SLC12A5: variants seen among roughly 807,000 people sequenced by gnomAD.
The protein encoded by SLC12A5 is solute carrier family 12 member 5, also known as K-Cl cotransporter 2.
SLC12A5 carries 18 observed loss-of-function variants against 124.0 expected under a neutral mutation model. The observed-to-expected ratio is 0.15, with a 90% CI of 0.10 to 0.22. SLC12A5 has a LOEUF of 0.22. Among genes scored for constraint, SLC12A5 ranks in the 10% least tolerant of loss-of-function variants. SLC12A5 has a pLI of 1.00. For missense variants in SLC12A5, 867 were observed against 1,478.7 expected (o/e 0.59, Z 6.78); for synonymous variants, 589 against 568.0 (o/e 1.04, Z -0.53).
At chr20:46,040,846 G>A in intron 7 of SLC12A5, 1 of 609,940 alleles carries the variant, frequency 1.6e-6, no homozygotes, top group East Asian at 3.0e-5. Flanking sequence ...ACTTCTTGCT[G>A]GTAGGGTGGA....
chr20:46,041,568 C>T (rs763630888), intron 8 of SLC12A5, 28 bp downstream of exon 8: 4 of 1,610,844 alleles, frequency 2.5e-6, no homozygotes, highest in East Asian at 2.2e-5. Context: ...GGCTGGCATC[C>T]AGGGAACGCT....
downstream of SLC12A5, among the ~76,000 whole-genome samples, chr20:46,023,881 G>A (rs951957967): frequency 2.0e-5 from 3 of 152,126 alleles, no homozygotes; most frequent in Admixed American, 2.0e-4. Flanking sequence ...CTTAGTAGGT[G>A]TGTAATGCTC....
Position 46,046,348 on chromosome 20 carries a change from A to T in SLC12A5, c.1699A>T (p.Met567Leu). The change falls in exon 14 of 26, where the codon ATG (methionine) becomes TTG (leucine). Residue 567 changes from methionine to leucine, a missense_variant. Coordinates refer to ENST00000243964, the MANE Select transcript of SLC12A5 (RefSeq NM_020708.5). ...CTTCCTGTGTTCCAGGTTCTTCCTGATGTGCTACATGTTTGTGAATCTGGC... is the reference window on the plus strand; with the variant it reads ...CTTCCTGTGTTCCAGGTTCTTCCTGTTGTGCTACATGTTTGTGAATCTGGC... The part of the protein sequence containing the change: ...VAPILSMFFL[M>L]CYMFVNLACA... The T allele has an allele frequency of 6.2e-7, 1 of 1,613,704 alleles. No individual in the cohort carries two copies. Among genetic ancestry groups the T allele is most frequent in the South Asian group, 1.1e-5 (1 of 91,058 alleles).
In SLC12A5 at chr20:46,041,556, AGGGCT is replaced by A; in HGVS notation, c.1066+19_1066+23del. 1 of 1,613,012 alleles carries A rather than the reference AGGGCT, an allele frequency of 6.2e-7. No homozygotes were observed. The highest frequency in any genetic ancestry group is 8.5e-7 in the Non-Finnish European group (1 of 1,179,636). ...CTCATCAAAGGTCTGCGGAGGGACAAGGGCTGGCATCCAGGGAACGCTGCAGGGAT... is the reference window on the plus strand; with the variant it reads ...CTCATCAAAGGTCTGCGGAGGGACAAGGCATCCAGGGAACGCTGCAGGGAT... On this transcript the variant is annotated intron_variant, in intron 8 of 25. Coordinates refer to ENST00000243964, the MANE Select transcript of SLC12A5 (RefSeq NM_020708.5).
chr20:46,035,380 A>G, intron 2 of SLC12A5, 24 bp from the exon 3 acceptor site: 1 of 1,603,850 alleles, frequency 6.2e-7, no homozygotes, highest in Non-Finnish European at 8.5e-7. Context: ...CCAGCCTCCT[A>G]GCACTGACAC....
At position 46,058,725 on chromosome 20, in the gene SLC12A5, C is replaced by A. The variant is rs891613443; in HGVS notation, c.*1120C>A. Reference sequence around the variant, plus strand: ...GGCGCCCCCTCCCCGGAGTTTCCTCCCTGGGACAAGTGAGGGAGGAGGGGG... The same window carrying A: ...GGCGCCCCCTCCCCGGAGTTTCCTCACTGGGACAAGTGAGGGAGGAGGGGG... On this transcript the variant is annotated 3_prime_UTR_variant, in exon 26 of 26. Coordinates refer to ENST00000243964, the MANE Select transcript of SLC12A5 (RefSeq NM_020708.5). The surrounding 1 kb of genome is among the most constrained non-coding windows in gnomAD (Gnocchi z 5.8). 5.0e-6 allele frequency: 2 copies of A among 398,906 alleles called. No homozygotes were observed. Among genetic ancestry groups the A allele is most frequent in the African/African-American group, 4.1e-5 (2 of 48,648 alleles). The allele number at this position is 398,906 out of a possible 1,614,324, so 24.7% of individuals were successfully genotyped here.
intron 18 of SLC12A5, 149 bp from the exon 19 acceptor site, chr20:46,052,808 T>C: frequency 2.6e-6 from 2 of 760,604 alleles, no homozygotes; most frequent in Non-Finnish European, 2.1e-6. Context: ...CCCAAGTAGA[T>C]GCTGGTTTTC....
In SLC12A5 at chr20:46,043,910, T is replaced by C. The variant is rs2084570946; in HGVS notation, c.1371T>C (p.Ile457=). The C allele has an allele frequency of 6.8e-6, 11 of 1,608,846 alleles. No individual in the cohort carries two copies. Among genetic ancestry groups the C allele is most frequent in the Non-Finnish European group, 9.3e-6 (11 of 1,177,484 alleles). ...CCGTTGTTCTGTTTGGGGCCTGCAT[T>C]GAGGGGGTCGTCCTGCGGGACAAGT... is the stretch of plus-strand genomic sequence containing the variant. ...ISSVVLFGAC[I]EGVVLRDKFG... The change falls in exon 11 of 26, where the codon ATT becomes ATC. Residue 457 remains isoleucine, a synonymous_variant. Coordinates refer to ENST00000243964, the MANE Select transcript of SLC12A5 (RefSeq NM_020708.5).
chr20:46,050,258 A>G (rs2084635991), intron 17 of SLC12A5, among the ~76,000 whole-genome samples: 1 of 152,248 alleles, frequency 6.6e-6, no homozygotes, highest in Admixed American at 6.5e-5. Flanking sequence ...AAAGTCGGAA[A>G]GCTGCTTGCT....
upstream of SLC12A5, chr20:46,021,811 G>A (rs1196086840): frequency 2.0e-6 from 3 of 1,534,224 alleles, no homozygotes; most frequent in Admixed American, 2.0e-5. Flanking sequence ...CGCAGGGCCC[G>A]CCAGAAGCCC....
intron 1 of SLC12A5, chr20:46,021,966 G>T: frequency 7.2e-7 from 1 of 1,394,598 alleles, no homozygotes. Context: ...CTGTTGAAGG[G>T]GGCAGGGCCA....
At chr20:46,027,204 C>A (rs532014820), upstream of SLC12A5, among the ~76,000 whole-genome samples, 4 of 152,202 alleles carry the variant, frequency 2.6e-5, no homozygotes, top group South Asian at 8.3e-4. Flanking sequence ...CTCATCTCAC[C>A]CTTTTGGTGG....
chr20:46,043,553 T>C, intron 9 of SLC12A5, 80 bp from the exon 10 acceptor site: 1 of 1,448,604 alleles, frequency 6.9e-7, no homozygotes, highest in Non-Finnish European at 9.6e-7. Flanking sequence ...TCACTGACCC[T>C]GAGGGTGGTG....
chr20:46,036,538 G>A, intron 4 of SLC12A5: 1 of 484,284 alleles, frequency 2.1e-6, no homozygotes, highest in Non-Finnish European at 3.8e-6. Flanking sequence ...GCTTGCTTGG[G>A]CTCCTTCCGT....
Position 46,054,958 on chromosome 20 carries a change from G to A in SLC12A5, c.2722G>A (p.Val908Met), listed in dbSNP as rs775456354. ...ISAYTYEKTLVMEQRSQILKQ... is the reference protein window; with the variant it reads ...ISAYTYEKTLMMEQRSQILKQ... ...AGCTTACACCTATGAGAAGACGTTG[G>A]TGATGGAGCAGCGTTCCCAGATCCT... The change falls in exon 21 of 26, where the codon GTG becomes ATG. Residue 908 changes from valine (V) to methionine (M), a missense_variant. This residue lies in a region of SLC12A5 where 70 missense variants were observed against 157.2 expected (regional missense o/e 0.45). Coordinates refer to ENST00000243964, the MANE Select transcript of SLC12A5 (RefSeq NM_020708.5). 5.6e-6 allele frequency: 9 copies of A among 1,614,100 alleles called. No individual in the cohort carries two copies. In the South Asian group the frequency reaches 8.8e-5, roughly 16 times the overall value.
At chr20:46,042,229 C>G (rs981374043) in intron 8 of SLC12A5, among the ~76,000 whole-genome samples, 1 of 152,110 alleles carries the variant, frequency 6.6e-6, no homozygotes, top group Non-Finnish European at 1.5e-5. Context: ...GAGTTGGGAC[C>G]ACATTCTGAA....
chr20:46,034,868 C>A, intron 1 of SLC12A5, 80 bp from the exon 2 acceptor site: 2 of 1,276,924 alleles, frequency 1.6e-6, no homozygotes, highest in Non-Finnish European at 1.1e-6. Flanking sequence ...CAGAGGGCTA[C>A]TGTGGCTACA....
In SLC12A5 at chr20:46,032,227, G is replaced by C. The variant is rs566482621; in HGVS notation, c.53-2721G>C. On this transcript the variant is annotated intron_variant, in intron 1 of 25. Transcript: ENST00000243964. ...GCGGTCGCCATGGAGACCGGCGCGG[G>C]GCCACCTAGTTGCAGGGTCTCGGGC... Among the ~76,000 whole-genome samples the C allele has an allele frequency of 2.6e-5, 4 of 152,348 alleles. No individual in the cohort carries two copies. The South Asian group carries it at 8.3e-4, about 32-fold the overall frequency.
Position 46,049,631 on chromosome 20 carries a change from G to A in SLC12A5, c.2022G>A (p.Leu674=), listed in dbSNP as rs1380442049. 1.2e-6 allele frequency: 2 copies of A among 1,602,840 alleles called. No homozygotes were observed. Among genetic ancestry groups the A allele is most frequent in the African/African-American group, 2.7e-5 (2 of 74,762 alleles). ...PPHTKNWRPQ[L]LVLVRVDQDQ... ...TCTGCACACTCTTCAGGCCACAGCT[G>A]CTGGTGCTGGTGCGTGTGGACCAAG... The change falls in exon 17 of 26, where the codon CTG becomes CTA. Residue 674 remains leucine (L), a synonymous_variant. Coordinates refer to ENST00000243964, the MANE Select transcript of SLC12A5 (RefSeq NM_020708.5).
Sources: allele counts gnomAD v4.1 joint callset (sites outside exome capture counted in the v4.1 genomes callset), GRCh38; gene constraint gnomAD v4.1.1; regional missense constraint gnomAD v4.1.1; non-coding constraint Gnocchi (gnomAD v3.1); transcripts MANE v1.5; gene names NCBI Gene and HGNC (gene_info 2026-07-23, HGNC 2026-07-21).